MAPK10: variants seen among roughly 807,000 people sequenced by gnomAD.
MAPK10 encodes the protein JNK3 alpha protein kinase.
In MAPK10, 25 loss-of-function variants were observed where a neutral mutation model predicts 59.3. The observed-to-expected ratio is 0.42, with a 90% CI of 0.31 to 0.59. The LOEUF (loss-of-function observed/expected upper bound fraction) is 0.59. Among genes scored for constraint, MAPK10 ranks in the 20% least tolerant of loss-of-function variants. The pLI is 0.15. For missense variants in MAPK10, 351 were observed against 568.9 expected (o/e 0.62, Z 3.90); for synonymous variants, 190 against 200.5 (o/e 0.95, Z 0.44).
chr4:86,422,112 C>T (rs1259538077), intron 1 of MAPK10, among the ~76,000 whole-genome samples: 2 of 152,158 alleles, frequency 1.3e-5, no homozygotes, highest in African/African-American at 2.4e-5. Flanking sequence ...TAACTTCCTC[C>T]CATCAGTTAA....
intron 2 of MAPK10, among the ~76,000 whole-genome samples, chr4:86,284,133 T>C (rs1187121435): frequency 6.6e-6 from 1 of 152,226 alleles, no homozygotes; most frequent in Non-Finnish European, 1.5e-5. Flanking sequence ...CAGTTTTATA[T>C]ACCCTTTTAC....
At chr4:86,251,757 T>C (rs1453033920) in intron 2 of MAPK10, among the ~76,000 whole-genome samples, 4 of 134,166 alleles carry the variant, frequency 3.0e-5, no homozygotes, top group Admixed American at 1.5e-4. Context: ...CCACACTGAC[T>C]TCCACAATGG....
In MAPK10 at chr4:86,012,093, C is replaced by A. The variant is rs1741503759; in HGVS notation, c.*5135G>T. The A allele has an allele frequency of 2.0e-5, 3 of 151,728 alleles. No homozygotes were observed. In the South Asian group the frequency reaches 6.2e-4, roughly 31 times the overall value. The allele number at this position is 151,728 out of a possible 1,614,324, so 9.4% of individuals were successfully genotyped here. On this transcript the variant is annotated 3_prime_UTR_variant, in exon 14 of 14. Coordinates refer to ENST00000641462, the MANE Select transcript of MAPK10 (RefSeq NM_138982.4). The stretch of plus-strand genomic sequence containing the variant: ...GGAAATTTAACCCTGCTCTACTTAC[C>A]TAATGCCCCCCCAAAAGATGATCTT...
At chr4:86,440,133 C>T (rs1423703026) in intron 1 of MAPK10, among the ~76,000 whole-genome samples, 1 of 152,176 alleles carries the variant, frequency 6.6e-6, no homozygotes, top group Admixed American at 6.5e-5. Context: ...AAGATATAGA[C>T]TATATGTGTC....
At chr4:86,187,192 C>T (rs2078456549) in intron 3 of MAPK10, among the ~76,000 whole-genome samples, 1 of 151,884 alleles carries the variant, frequency 6.6e-6, no homozygotes, top group African/African-American at 2.4e-5. Flanking sequence ...AGCACTGAAC[C>T]CTATACATAT....
chr4:86,306,566 A>G (rs1266402194), intron 2 of MAPK10, among the ~76,000 whole-genome samples: 1 of 152,182 alleles, frequency 6.6e-6, no homozygotes, highest in Non-Finnish European at 1.5e-5. Flanking sequence ...AATTCCAAAG[A>G]TATTATTACA....
intron 1 of MAPK10, among the ~76,000 whole-genome samples, chr4:86,413,840 G>A (rs1410789085): frequency 6.6e-6 from 1 of 152,146 alleles, no homozygotes; most frequent in East Asian, 1.9e-4. Context: ...CCCTTGGCTA[G>A]AAAAGGGAAA....
At chr4:86,378,654 C>G (rs1321963367) in intron 1 of MAPK10, among the ~76,000 whole-genome samples, 18 of 152,190 alleles carry the variant, frequency 1.2e-4, no homozygotes, top group Admixed American at 1.2e-3. Flanking sequence ...TTGAATGCAA[C>G]AATCTTACAA....
At chr4:86,254,858 C>T (rs946621446) in intron 2 of MAPK10, among the ~76,000 whole-genome samples, 20 of 151,940 alleles carry the variant, frequency 1.3e-4, no homozygotes, top group African/African-American at 4.8e-4. Context: ...TTTTTAAAGG[C>T]TTATAAAAAT....
chr4:86,062,268 C>G (rs1371414386), intron 11 of MAPK10, among the ~76,000 whole-genome samples: 1 of 152,144 alleles, frequency 6.6e-6, no homozygotes, highest in Non-Finnish European at 1.5e-5. Flanking sequence ...ACTGCAGGCT[C>G]TATCAGATCC....
intron 1 of MAPK10, among the ~76,000 whole-genome samples, chr4:86,381,322 T>C (rs1740675739): frequency 6.6e-6 from 1 of 152,104 alleles, no homozygotes; most frequent in African/African-American, 2.4e-5. Context: ...AGACACGTGT[T>C]TGCCTTCTCT....
chr4:86,378,624 T>C (rs774482689), intron 1 of MAPK10, among the ~76,000 whole-genome samples: 1 of 152,250 alleles, frequency 6.6e-6, no homozygotes, highest in African/African-American at 2.4e-5. Flanking sequence ...GAGTACATTA[T>C]GTAAAAATTT....
rs1487309567 is a variant in MAPK10 at position 86,138,986 on chromosome 4, G to GTCAGAAGCTTATGTTGTTTATGCAGGGAA, written c.236+20311_236+20312insTTCCCTGCATAAACAACATAAGCTTCTGA. ...AATCCAATTTACAAGGGATGTGAAG[G>GTCAGAAGCTTATGTTGTTTATGCAGGGAA]ACCTCTTCAAGGAGAACTACAAACC... On this transcript the variant is annotated intron_variant, in intron 4 of 13. Coordinates refer to ENST00000641462, the MANE Select transcript of MAPK10 (RefSeq NM_138982.4). Among the ~76,000 whole-genome samples, 2 of 61,128 alleles carry GTCAGAAGCTTATGTTGTTTATGCAGGGAA rather than the reference G, an allele frequency of 3.3e-5. 1 individual carries two copies. Among genetic ancestry groups the GTCAGAAGCTTATGTTGTTTATGCAGGGAA allele is most frequent in the East Asian group, 2.6e-3 (2 of 764 alleles). 40.1% of individuals were successfully genotyped at this position (61,128 alleles called of 152,430 possible). A position where few individuals can be genotyped will look rare whatever the true frequency, so the allele number is the denominator to read the frequency against.
chr4:86,092,065 A>G (rs774317860), intron 9 of MAPK10, among the ~76,000 whole-genome samples: 5 of 152,158 alleles, frequency 3.3e-5, no homozygotes, highest in Non-Finnish European at 5.9e-5. Flanking sequence ...AATGTAAAAG[A>G]AGAATATTTA....
intron 1 of MAPK10, among the ~76,000 whole-genome samples, chr4:86,568,193 C>T (rs1346540787): frequency 3.3e-5 from 5 of 152,082 alleles, no homozygotes; most frequent in Admixed American, 6.6e-5. Context: ...ATTCCATTTA[C>T]AATAACTACA....
chr4:86,109,376 C>G (rs2057076506), intron 4 of MAPK10, among the ~76,000 whole-genome samples: 1 of 152,170 alleles, frequency 6.6e-6, no homozygotes, highest in African/African-American at 2.4e-5. Flanking sequence ...TCCTGATGCT[C>G]TCCCTCCTCT....
At chr4:86,541,067 G>A (rs1022250001) in intron 1 of MAPK10, among the ~76,000 whole-genome samples, 1 of 152,170 alleles carries the variant, frequency 6.6e-6, no homozygotes, top group African/African-American at 2.4e-5. Context: ...GGATTGGGGT[G>A]GGGTGGGGGC....
At position 86,257,156 on chromosome 4, in the gene MAPK10, T is replaced by C. The variant is rs369673976; in HGVS notation, c.-6-62749A>G. 2.3e-4 allele frequency among the ~76,000 whole-genome samples: 35 copies of C among 152,340 alleles called. No individual in the cohort carries two copies. In the Middle Eastern group the frequency reaches 0.01, roughly 44 times the overall value. The stretch of plus-strand genomic sequence containing the variant: ...AAGATATAGGACACTAGCATGAATA[T>C]ATCTCCAACCATAAATGACCAACAA... On this transcript the variant is annotated intron_variant, in intron 2 of 13. Transcript: ENST00000641462.
At chr4:86,547,652 G>A (rs1565021734) in intron 1 of MAPK10, among the ~76,000 whole-genome samples, 2 of 152,336 alleles carry the variant, frequency 1.3e-5, no homozygotes, top group Non-Finnish European at 2.9e-5. Context: ...CGGCAGGCAG[G>A]GAGCTCCACC....
Sources: gnomAD v4.1 joint callset for allele counts (sites outside exome capture counted in the v4.1 genomes callset) on GRCh38, gnomAD v4.1.1 for gene constraint, MANE v1.5 for transcripts, NCBI Gene and HGNC (gene_info 2026-07-23, HGNC 2026-07-21) for gene names.